COPB1: variants seen among roughly 807,000 people sequenced by gnomAD.
COPB1 encodes the protein coatomer subunit beta.
COPB1 carries 21 observed loss-of-function variants against 108.7 expected under a neutral mutation model. That is an observed-to-expected ratio of 0.19 (90% CI 0.14 to 0.28). The LOEUF (loss-of-function observed/expected upper bound fraction) is 0.28, where lower values mean the gene tolerates loss of function less well. COPB1 is among the 10% of genes least tolerant of loss of function. The pLI, the probability that COPB1 is intolerant of heterozygous loss-of-function variation, is 1.00. For missense variants in COPB1, 919 were observed against 1,141.3 expected (o/e 0.81, Z 2.81); for synonymous variants, 378 against 386.8 (o/e 0.98, Z 0.27).
chr11:14,470,938 ACACACACTCTCT>A (rs1850387283), intron 14 of COPB1, among the ~76,000 whole-genome samples: 2 of 84,260 alleles, frequency 2.4e-5, no homozygotes, highest in South Asian at 4.0e-4. Flanking sequence ...ACACACACAC[ACACACACTCTCT>A]CTCTCTCTAC....
chr11:14,485,074 A>T (rs1850741365), intron 7 of COPB1, among the ~76,000 whole-genome samples: 1 of 152,156 alleles, frequency 6.6e-6, no homozygotes, highest in Admixed American at 6.5e-5. Context: ...AATGATAGCT[A>T]ACTGCAGTCT....
Position 14,494,500 on chromosome 11 carries a change from A to T in COPB1, c.92-61T>A, listed in dbSNP as rs552111730. ...ATTTCAAAAGAAAATTCATCACATA[A>T]ATTTAAAAGCAATTAACAAAATAAA... On this transcript the variant is annotated intron_variant, in intron 2 of 21. Transcript: ENST00000439561. 5.7e-5 allele frequency: 57 copies of T among 993,786 alleles called. No individual in the cohort carries two copies. In the East Asian group the frequency reaches 8.2e-4, roughly 14 times the overall value. 61.6% of individuals were successfully genotyped at this position (993,786 alleles called of 1,614,324 possible). A position where few individuals can be genotyped will look rare whatever the true frequency, so the allele number is the denominator to read the frequency against.
At chr11:14,470,762 GAGATATA>G (rs1205956463) in intron 14 of COPB1, among the ~76,000 whole-genome samples, 1 of 152,012 alleles carries the variant, frequency 6.6e-6, no homozygotes. Context: ...CAAACTGATG[GAGATATA>G]AACCTGCAAA....
At chr11:14,469,223 C>G (rs1005105533) in intron 15 of COPB1, 113 bp downstream of exon 15, 14 of 858,590 alleles carry the variant, frequency 1.6e-5, no homozygotes, top group Non-Finnish European at 2.7e-5. Flanking sequence ...TCTCAAACAC[C>G]TGGCCCCAAG....
chr11:14,491,788 C>T (rs766983613), intron 4 of COPB1, among the ~76,000 whole-genome samples: 15 of 152,156 alleles, frequency 9.9e-5, no homozygotes, highest in African/African-American at 3.1e-4. Flanking sequence ...ATTCAACACA[C>T]CATCTGTTAA....
intron 2 of COPB1, among the ~76,000 whole-genome samples, chr11:14,498,616 T>C (rs1250905372): frequency 6.6e-6 from 1 of 152,196 alleles, no homozygotes; most frequent in African/African-American, 2.4e-5. Context: ...ATCTAAACTA[T>C]TACAATTTCT....
At chr11:14,475,643 CCTCCG>C (rs1850505144) in intron 13 of COPB1, 137 bp downstream of exon 13, 1 of 709,022 alleles carries the variant, frequency 1.4e-6, no homozygotes, top group Non-Finnish European at 2.1e-6. Context: ...ACTTAAACAT[CCTCCG>C]CTTCTCAAGT....
intron 17 of COPB1, 75 bp from the exon 18 acceptor site, chr11:14,465,105 ACACACT>A (rs1447280023): frequency 7.0e-5 from 77 of 1,095,276 alleles, no homozygotes; most frequent in African/African-American, 2.6e-4. Context: ...ACACACACAC[ACACACT>A]AACCATAAAA....
chr11:14,477,603 A>T (rs954932632), intron 11 of COPB1, among the ~76,000 whole-genome samples: 4 of 150,368 alleles, frequency 2.7e-5, no homozygotes, highest in African/African-American at 7.3e-5. Context: ...GAGGCATAAG[A>T]GCTCCTTGAG....
At chr11:14,490,211 G>T (rs1314675706) in intron 5 of COPB1, among the ~76,000 whole-genome samples, 2 of 152,114 alleles carry the variant, frequency 1.3e-5, no homozygotes, top group Non-Finnish European at 2.9e-5. Flanking sequence ...ATTTCCACAG[G>T]CATGGCTAAG....
chr11:14,490,503 T>C (rs1349425656), intron 5 of COPB1, 62 bp downstream of exon 5: 7 of 914,958 alleles, frequency 7.7e-6, no homozygotes, highest in South Asian at 6.4e-5. Flanking sequence ...ATTAAGTCTA[T>C]GTAATACTTT....
At position 14,494,335 on chromosome 11, in the gene COPB1, C is replaced by A. The variant is rs147506345; in HGVS notation, c.196G>T (p.Val66Leu). 8.1e-5 allele frequency: 130 copies of A among 1,613,376 alleles called. No homozygotes were observed. Among genetic ancestry groups the A allele is most frequent in the Non-Finnish European group, 1.1e-4 (128 of 1,179,646 alleles). The change falls in exon 3 of 22, where the codon GTG becomes TTG. Residue 66 changes from valine (V) to leucine (L), a missense_variant. Val to Leu is a conservative substitution (Grantham distance 32, BLOSUM62 1). Coordinates refer to ENST00000439561, the MANE Select transcript of COPB1 (RefSeq NM_001144061.2). ...PGLLMTIIRF[V>L]LPLQDHTIKK... Reference sequence around the variant, plus strand: ...ATAGTGTGATCCTGAAGAGGTAGCACAAAACGAATGATGGTCATCAGAAGT... The same window carrying A: ...ATAGTGTGATCCTGAAGAGGTAGCAAAAAACGAATGATGGTCATCAGAAGT...
chr11:14,482,869 C>A (rs1850691485), intron 8 of COPB1, among the ~76,000 whole-genome samples, 163 bp downstream of exon 8: 3 of 152,136 alleles, frequency 2.0e-5, no homozygotes, highest in Admixed American at 2.0e-4. Context: ...AAAGATAATA[C>A]CCCAAAAGGC....
rs1289445391 is a variant in COPB1 at position 14,462,063 on chromosome 11, A to AT, written c.2411-733dup. Among the ~76,000 whole-genome samples, 343 of 142,730 alleles carry AT rather than the reference A, an allele frequency of 2.4e-3. 1 individual carries two copies. Among genetic ancestry groups the AT allele is most frequent in the South Asian group, 8.0e-3 (36 of 4,516 alleles). 93.6% of individuals were successfully genotyped at this position (142,730 alleles called of 152,430 possible). A position where few individuals can be genotyped will look rare whatever the true frequency, so the allele number is the denominator to read the frequency against. ...ATATATGTTCAGTATAGACACAACC[A>AT]TTTTTTTTTTTTTCTAAAATATTTT... is the stretch of plus-strand genomic sequence containing the variant. On this transcript the variant is annotated intron_variant, in intron 18 of 21. Coordinates refer to ENST00000439561, the MANE Select transcript of COPB1 (RefSeq NM_001144061.2).
In COPB1 at chr11:14,475,910, A is replaced by T; in HGVS notation, c.1491T>A (p.Ala497=). 3 of 1,611,202 alleles carry T rather than the reference A, an allele frequency of 1.9e-6. No homozygotes were observed. The highest frequency in any genetic ancestry group is 2.5e-6 in the Non-Finnish European group (3 of 1,179,234). The change falls in exon 13 of 22, where the codon GCT becomes GCA. Residue 497 remains alanine (A), a synonymous_variant. Coordinates refer to ENST00000439561, the MANE Select transcript of COPB1 (RefSeq NM_001144061.2). ...TTTCTTCTTCAGGTTTTAATTCACC[A>T]GCTTCTTTCTTTATTTCTGACTCTA... The part of the protein sequence containing the change: ...PIVESEIKKE[A]GELKPEEEIT...
intron 18 of COPB1, 119 bp from the exon 19 acceptor site, chr11:14,461,450 T>G (rs1045541887): frequency 1.1e-5 from 11 of 1,007,722 alleles, no homozygotes; most frequent in Non-Finnish European, 1.6e-5. Context: ...TATATAATAC[T>G]TATTATGTAC....
At chr11:14,495,688 A>G (rs1851003297) in intron 2 of COPB1, among the ~76,000 whole-genome samples, 1 of 152,190 alleles carries the variant, frequency 6.6e-6, no homozygotes, top group Non-Finnish European at 1.5e-5. Flanking sequence ...TGGCAAAAAT[A>G]TACATTAAAC....
chr11:14,495,131 G>T (rs868772274), intron 2 of COPB1, among the ~76,000 whole-genome samples: 2 of 152,126 alleles, frequency 1.3e-5, no homozygotes, highest in Non-Finnish European at 2.9e-5. Flanking sequence ...TAAAAACTCT[G>T]CAACATAAAG....
chr11:14,463,534 T>C (rs1589952382), intron 18 of COPB1, among the ~76,000 whole-genome samples: 1 of 152,176 alleles, frequency 6.6e-6, no homozygotes, highest in Non-Finnish European at 1.5e-5. Flanking sequence ...GCCAGGCTGG[T>C]CTTGAGAACT....
Sources: gnomAD v4.1 joint callset for allele counts (sites outside exome capture counted in the v4.1 genomes callset) on GRCh38, gnomAD v4.1.1 for gene constraint, MANE v1.5 for transcripts, NCBI Gene and HGNC (gene_info 2026-07-23, HGNC 2026-07-21) for gene names.